The following EPM2A variants were observed in gnomAD, a reference collection of about 807,000 sequenced individuals.
EPM2A encodes laforin.
In EPM2A, 21 loss-of-function variants were observed where a neutral mutation model predicts 26.5. The observed-to-expected ratio is 0.79, with a 90% CI of 0.56 to 1.14. EPM2A has a LOEUF of 1.14. Ranked by LOEUF, EPM2A falls within the 50% of genes most tolerant of loss-of-function variation. The pLI is 0.00. For synonymous variants in EPM2A, 217 were observed against 177.6 expected (o/e 1.22, Z -1.76); for missense variants, 458 against 440.8 (o/e 1.04, Z -0.35).
intron 1 of EPM2A, among the ~76,000 whole-genome samples, chr6:145,706,702 G>A (rs1163735043): frequency 1.3e-5 from 2 of 152,196 alleles, no homozygotes; most frequent in Non-Finnish European, 2.9e-5. Context: ...GTATACGCAT[G>A]TGTTAGTGTT....
intron 2 of EPM2A, among the ~76,000 whole-genome samples, chr6:145,644,139 T>TAAC (rs1334909149): frequency 6.6e-6 from 1 of 152,218 alleles, no homozygotes; most frequent in Non-Finnish European, 1.5e-5. Flanking sequence ...AATGTTCAGC[T>TAAC]ATACTGGGAT....
chr6:145,457,801 T>C (rs1325268850), intron 4 of EPM2A, among the ~76,000 whole-genome samples: 3 of 152,218 alleles, frequency 2.0e-5, no homozygotes, highest in Non-Finnish European at 4.4e-5. Flanking sequence ...TATGAAAATA[T>C]GTGATTCACA....
chr6:145,691,743 G>A (rs975177414), intron 1 of EPM2A, among the ~76,000 whole-genome samples: 1 of 151,942 alleles, frequency 6.6e-6, no homozygotes, highest in African/African-American at 2.4e-5. Context: ...TATACATAAT[G>A]TATATAGAAA....
chr6:145,450,701 C>T (rs1298732858), intron 4 of EPM2A, among the ~76,000 whole-genome samples: 2 of 152,170 alleles, frequency 1.3e-5, no homozygotes, highest in African/African-American at 4.8e-5. Flanking sequence ...CTTTATTCTG[C>T]GTGAACTCTC....
chr6:145,722,240 A>G (rs1011522739), intron 1 of EPM2A, among the ~76,000 whole-genome samples: 1 of 152,240 alleles, frequency 6.6e-6, no homozygotes, highest in Non-Finnish European at 1.5e-5. Context: ...CTTCTTGATA[A>G]TGTTCTCAAA....
At chr6:145,541,673 C>CT (rs1217964811) in intron 2 of EPM2A, among the ~76,000 whole-genome samples, 1 of 151,922 alleles carries the variant, frequency 6.6e-6, no homozygotes, top group Non-Finnish European at 1.5e-5. Context: ...TTTTTAATGA[C>CT]TGAATGAAGC....
chr6:145,726,365 T>C (rs1297987529), intron 1 of EPM2A, among the ~76,000 whole-genome samples: 1 of 152,126 alleles, frequency 6.6e-6, no homozygotes, highest in East Asian at 1.9e-4. Context: ...AAATCCTCCA[T>C]ATAAATACAT....
At chr6:145,735,061 G>A (rs927144986) in intron 1 of EPM2A, 137 bp downstream of exon 1, 9 of 500,796 alleles carry the variant, frequency 1.8e-5, no homozygotes, top group African/African-American at 1.2e-4. Flanking sequence ...CGCCCGGGGA[G>A]TGCGCAGGGA....
chr6:145,604,114 T>C (rs953035110), intron 2 of EPM2A, among the ~76,000 whole-genome samples: 1 of 152,150 alleles, frequency 6.6e-6, no homozygotes, highest in African/African-American at 2.4e-5. Flanking sequence ...TCAACAGATT[T>C]ATAGACAATA....
At chr6:145,440,818 G>A (rs1779052356) in intron 4 of EPM2A, among the ~76,000 whole-genome samples, 1 of 152,218 alleles carries the variant, frequency 6.6e-6, no homozygotes, top group African/African-American at 2.4e-5. Context: ...GAGTTGGGCA[G>A]CTCTGCCCTA....
chr6:145,715,958 C>T (rs1775594651), intron 1 of EPM2A, among the ~76,000 whole-genome samples: 1 of 152,036 alleles, frequency 6.6e-6, no homozygotes, highest in East Asian at 1.9e-4. Context: ...TTGAATCATC[C>T]CACAACCATC....
At chr6:145,697,981 A>C (rs779325834) in intron 1 of EPM2A, among the ~76,000 whole-genome samples, 2 of 152,052 alleles carry the variant, frequency 1.3e-5, no homozygotes, top group Non-Finnish European at 2.9e-5. Flanking sequence ...CAAGGGTATT[A>C]ATTGGGGAAG....
chr6:145,435,830 T>C (rs1778982560), intron 4 of EPM2A, among the ~76,000 whole-genome samples: 1 of 152,158 alleles, frequency 6.6e-6, no homozygotes, highest in Non-Finnish European at 1.5e-5. Flanking sequence ...AGTTTTAGGT[T>C]CACAAAAAAG....
At chr6:145,660,208 T>C (rs924756717) in intron 2 of EPM2A, among the ~76,000 whole-genome samples, 4 of 152,050 alleles carry the variant, frequency 2.6e-5, no homozygotes, top group Admixed American at 2.6e-4. Context: ...CCAAAATCAT[T>C]CCTCAGGTAT....
Position 145,470,069 on chromosome 6 carries a change from C to A in EPM2A, c.555+32453G>T, listed in dbSNP as rs555563584. Among the ~76,000 whole-genome samples the A allele has an allele frequency of 9.1e-4, 138 of 151,700 alleles. 1 individual carries two copies. The highest frequency in any genetic ancestry group is 1.4e-3 in the Non-Finnish European group (96 of 67,862). ...GGGGAATGGGGATGGTTAATGGGTA[C>A]AAAAATATAGCTAAATAGAATGAAT... On this transcript the variant is annotated intron_variant, in intron 4 of 4. Transcript: ENST00000638717.
At chr6:145,694,774 TTC>T (rs1781477939) in intron 1 of EPM2A, among the ~76,000 whole-genome samples, 2 of 152,002 alleles carry the variant, frequency 1.3e-5, no homozygotes. Context: ...TCTGTAATAT[TTC>T]TCTCTTCTCC....
intron 4 of EPM2A, among the ~76,000 whole-genome samples, chr6:145,417,166 T>G (rs1778719821): frequency 6.6e-6 from 1 of 152,226 alleles, no homozygotes; most frequent in African/African-American, 2.4e-5. Context: ...AGGTTTTAGT[T>G]GCTCTTCGCT....
At chr6:145,437,808 C>T (rs776368755) in intron 4 of EPM2A, among the ~76,000 whole-genome samples, 1 of 152,158 alleles carries the variant, frequency 6.6e-6, no homozygotes, top group African/African-American at 2.4e-5. Flanking sequence ...CAGTTCAGTT[C>T]AATTCAGTCC....
chr6:145,496,728 A>ATGTTTTTTTTTTTTTTTTTTTTTT (rs779194973), downstream of EPM2A, among the ~76,000 whole-genome samples: 10 of 106,906 alleles, frequency 9.4e-5, 2 homozygotes, highest in Middle Eastern at 5.5e-3. Flanking sequence ...AGTTCCTGCA[A>ATGTTTTTTTTTTTTTTTTTTTTTT]TTTTTTTTTT....
Sources: allele counts gnomAD v4.1 joint callset (sites outside exome capture counted in the v4.1 genomes callset), GRCh38; gene constraint gnomAD v4.1.1; transcripts MANE v1.5; gene names NCBI Gene and HGNC (gene_info 2026-07-23, HGNC 2026-07-21).